Variants in AP2B1 observed in about 807,000 individuals in gnomAD.
The protein encoded by AP2B1 is AP-2 complex subunit beta.
AP2B1 carries 23 observed loss-of-function variants against 102.0 expected under a neutral mutation model. That is an observed-to-expected ratio of 0.23 (90% confidence interval 0.16 to 0.32). The LOEUF (loss-of-function observed/expected upper bound fraction) is 0.32, where lower values mean the gene tolerates loss of function less well. Among genes scored for constraint, AP2B1 ranks in the 10% least tolerant of loss-of-function variants. The pLI is 1.00. For missense variants in AP2B1, 541 were observed against 1,157.4 expected, an observed-to-expected ratio of 0.47 and a Z score of 7.73; for synonymous variants, 381 against 421.2, an observed-to-expected ratio of 0.90 and a Z score of 1.17.
At chr17:35,717,110 C>A in intron 20 of AP2B1, 85 bp from the exon 21 acceptor site, 1 of 1,466,018 alleles carries the variant, frequency 6.8e-7, no homozygotes, top group Non-Finnish European at 9.4e-7. Flanking sequence ...ACTGAACACA[C>A]ATGGCTCATA....
At chr17:35,644,893 A>G (rs148419436) in intron 12 of AP2B1, among the ~76,000 whole-genome samples, 73 of 152,222 alleles carry the variant, frequency 4.8e-4, no homozygotes, top group African/African-American at 1.7e-3. Flanking sequence ...TTAGCGGAGC[A>G]TAGTGGCACA....
chr17:35,625,073 C>G (rs1374195934), intron 6 of AP2B1, among the ~76,000 whole-genome samples: 1 of 152,118 alleles, frequency 6.6e-6, no homozygotes, highest in Non-Finnish European at 1.5e-5. Context: ...AGAAGGCACA[C>G]CTAGATTGTT....
chr17:35,720,578 T>TTA (rs2085354342), intron 21 of AP2B1, among the ~76,000 whole-genome samples: 1 of 66,424 alleles, frequency 1.5e-5, no homozygotes, highest in South Asian at 5.5e-4. Context: ...TATATATTTT[T>TTA]TTTTTTTTTT....
intron 11 of AP2B1, 24 bp from the exon 12 acceptor site, chr17:35,641,853 C>G: frequency 6.4e-7 from 1 of 1,562,490 alleles, no homozygotes. Flanking sequence ...TTCTTTCACA[C>G]TATCACAAAT....
intron 18 of AP2B1, among the ~76,000 whole-genome samples, chr17:35,708,296 G>C (rs1257272326): frequency 6.6e-6 from 1 of 152,182 alleles, no homozygotes; most frequent in Non-Finnish European, 1.5e-5. Context: ...AAACCAGTGG[G>C]AGGTGGTGAC....
intron 5 of AP2B1, among the ~76,000 whole-genome samples, chr17:35,619,643 T>C (rs1480671075): frequency 1.3e-5 from 2 of 152,166 alleles, no homozygotes; most frequent in African/African-American, 4.8e-5. Flanking sequence ...GTTTAATATC[T>C]ATCTCTGTAA....
intron 20 of AP2B1, among the ~76,000 whole-genome samples, chr17:35,711,723 G>A (rs1183966360): frequency 6.6e-5 from 10 of 152,244 alleles, no homozygotes; most frequent in Admixed American, 4.6e-4. Flanking sequence ...CGCCCGCCTC[G>A]GCCTCCCAAA....
chr17:35,600,269 G>C (rs1342803591), intron 3 of AP2B1, among the ~76,000 whole-genome samples: 1 of 151,980 alleles, frequency 6.6e-6, no homozygotes, highest in African/African-American at 2.4e-5. Context: ...TTTTAGTAGA[G>C]ACGGGGTTTC....
chr17:35,624,881 G>C (rs1301062881), intron 6 of AP2B1, among the ~76,000 whole-genome samples: 2 of 152,216 alleles, frequency 1.3e-5, no homozygotes, highest in Admixed American at 1.3e-4. Flanking sequence ...AGATTATTGA[G>C]TATCTCTCTT....
intron 1 of AP2B1, among the ~76,000 whole-genome samples, chr17:35,589,232 T>C (rs968067551): frequency 2.0e-5 from 3 of 152,228 alleles, no homozygotes; most frequent in African/African-American, 7.2e-5. Context: ...TATTACTGAA[T>C]ATTTGATTAG....
intron 5 of AP2B1, among the ~76,000 whole-genome samples, chr17:35,624,160 T>C (rs1285568574): frequency 1.3e-5 from 2 of 152,248 alleles, no homozygotes; most frequent in East Asian, 1.9e-4. Context: ...AAATAACATG[T>C]GACTCTGCTA....
At chr17:35,632,997 G>A (rs2074505373) in intron 9 of AP2B1, among the ~76,000 whole-genome samples, 1 of 151,938 alleles carries the variant, frequency 6.6e-6, no homozygotes, top group Admixed American at 6.6e-5. Flanking sequence ...TAACAGCAAA[G>A]GAATTAATAG....
chr17:35,613,897 A>C (rs2073937840), intron 5 of AP2B1, among the ~76,000 whole-genome samples: 1 of 152,226 alleles, frequency 6.6e-6, no homozygotes, highest in African/African-American at 2.4e-5. Flanking sequence ...CAGAATAAGG[A>C]AACATTTTAG....
chr17:35,608,539 A>C lies in AP2B1; in HGVS notation c.525+152A>C, dbSNP rs1403776619. ...GTGTCTCACAGATTGTATATTTCAT[A>C]TCCTAGGTGTTTTTGAGGTGAGAAC... On this transcript the variant is annotated intron_variant, in intron 5 of 21. Coordinates refer to ENST00000610402, the MANE Select transcript of AP2B1 (RefSeq NM_001030006.2). 4 of 999,004 alleles carry C rather than the reference A, an allele frequency of 4.0e-6. No homozygotes were observed. The African/African-American group carries it at 4.9e-5, about 12-fold the overall frequency. The allele number at this position is 999,004 out of a possible 1,614,324, so 61.9% of individuals were successfully genotyped here. A position where few individuals can be genotyped will look rare whatever the true frequency, so the allele number is the denominator to read the frequency against.
intron 14 of AP2B1, among the ~76,000 whole-genome samples, chr17:35,660,446 C>T (rs2075331687): frequency 1.3e-5 from 2 of 151,746 alleles, no homozygotes; most frequent in African/African-American, 4.8e-5. Context: ...ACTGTAGCTA[C>T]CTAGATGCTC....
rs2085501649 is a variant in AP2B1 at position 35,725,390 on chromosome 17, A to T, written c.*1691A>T. On this transcript the variant is annotated 3_prime_UTR_variant, in exon 22 of 22. Coordinates refer to ENST00000610402, the MANE Select transcript of AP2B1 (RefSeq NM_001030006.2). The stretch of plus-strand genomic sequence containing the variant: ...GACTGAGACCTAACTCACTGGACTC[A>T]GAGGAGGAATCGTGGAAAACAAGAG... 6.6e-6 allele frequency: 1 copy of T among 152,218 alleles called. No individual in the cohort carries two copies. Among genetic ancestry groups the T allele is most frequent in the African/African-American group, 2.4e-5 (1 of 41,414 alleles). The allele number at this position is 152,218 out of a possible 1,614,324, so 9.4% of individuals were successfully genotyped here. A position where few individuals can be genotyped will look rare whatever the true frequency, so the allele number is the denominator to read the frequency against.
At chr17:35,643,605 G>A (rs2074846308) in intron 12 of AP2B1, among the ~76,000 whole-genome samples, 1 of 152,180 alleles carries the variant, frequency 6.6e-6, no homozygotes, top group African/African-American at 2.4e-5. Flanking sequence ...AGGTAGTGCT[G>A]TTCTTACAGA....
At chr17:35,633,161 G>A (rs1322218975) in intron 9 of AP2B1, among the ~76,000 whole-genome samples, 1 of 152,028 alleles carries the variant, frequency 6.6e-6, no homozygotes, top group Non-Finnish European at 1.5e-5. Flanking sequence ...AGGAGATCGA[G>A]ACATCCTGGT....
chr17:35,618,972 A>C (rs925060126), intron 5 of AP2B1, among the ~76,000 whole-genome samples: 2 of 152,176 alleles, frequency 1.3e-5, no homozygotes, highest in African/African-American at 4.8e-5. Flanking sequence ...TGCTGGAAAT[A>C]ATGTTTGGAT....
Sources: gnomAD v4.1 joint callset for allele counts (sites outside exome capture counted in the v4.1 genomes callset) on GRCh38, gnomAD v4.1.1 for gene constraint, MANE v1.5 for transcripts, NCBI Gene and HGNC (gene_info 2026-07-23, HGNC 2026-07-21) for gene names.